ABLIM1: variants seen among roughly 807,000 people sequenced by gnomAD.
ABLIM1 encodes actin-binding LIM protein 1.
Under a neutral mutation model 107.0 loss-of-function variants are expected in ABLIM1, and 40 were observed. The observed-to-expected ratio is 0.37, with a 90% CI of 0.29 to 0.49. ABLIM1 has a LOEUF of 0.49. Ranked by LOEUF, ABLIM1 falls within the 20% of genes least tolerant of loss-of-function variation. The pLI, the probability that ABLIM1 is intolerant of heterozygous loss-of-function variation, is 0.97. For missense variants in ABLIM1, 857 were observed against 1,008.5 expected, an observed-to-expected ratio of 0.85 and a Z score of 2.04; for synonymous variants, 357 against 357.3, an observed-to-expected ratio of 1.00 and a Z score of 0.01.
At chr10:114,564,724 C>T (rs149406026) in intron 4 of ABLIM1, among the ~76,000 whole-genome samples, 1 of 152,288 alleles carries the variant, frequency 6.6e-6, no homozygotes, top group East Asian at 1.9e-4. Context: ...CTTGCCCAAC[C>T]CTACATGACT....
chr10:114,473,799 G>T (rs576748007), intron 9 of ABLIM1, 80 bp downstream of exon 9: 18 of 1,107,870 alleles, frequency 1.6e-5, no homozygotes, highest in Non-Finnish European at 2.4e-5. Flanking sequence ...ATCAGTTTTT[G>T]TTTTGGATTA....
intron 6 of ABLIM1, among the ~76,000 whole-genome samples, chr10:114,536,965 C>A (rs1358610085): frequency 1.3e-5 from 2 of 152,190 alleles, no homozygotes; most frequent in African/African-American, 4.8e-5. Context: ...TGAGCAAAGT[C>A]ACTGATTTTC....
intron 1 of ABLIM1, among the ~76,000 whole-genome samples, chr10:114,678,588 A>G (rs1165167536): frequency 6.6e-6 from 1 of 152,216 alleles, no homozygotes; most frequent in East Asian, 1.9e-4. Flanking sequence ...TTGTGCTACA[A>G]TCTCAGACTT....
chr10:114,779,203 C>A, the ABLIM1 span: 1 of 152,216 alleles, frequency 6.6e-6, no homozygotes. Flanking sequence ...ATAGCCCTCA[C>A]TAGGTCCCAA....
At chr10:114,505,329 T>C (rs1354723586) in intron 6 of ABLIM1, among the ~76,000 whole-genome samples, 2 of 152,250 alleles carry the variant, frequency 1.3e-5, no homozygotes, top group Admixed American at 1.3e-4. Flanking sequence ...TGGATAATTT[T>C]TGTCTCTTGT....
At chr10:114,527,539 C>G (rs368306261) in intron 6 of ABLIM1, among the ~76,000 whole-genome samples, 22 of 152,272 alleles carry the variant, frequency 1.4e-4, no homozygotes, top group African/African-American at 4.8e-4. Flanking sequence ...TGAGGGGAAG[C>G]TGCAGGCTCT....
chr10:114,468,785 C>T lies in ABLIM1; in HGVS notation c.1276-569G>A, dbSNP rs188922925. 7.0e-3 allele frequency among the ~76,000 whole-genome samples: 1,058 copies of T among 151,936 alleles called. 5 individuals carry two copies. Among genetic ancestry groups the T allele is most frequent in the Non-Finnish European group, 0.01 (682 of 67,954 alleles). On this transcript the variant is annotated intron_variant, in intron 10 of 22. Transcript: ENST00000533213. ...ACCATGAATAGGCCGGGTGCGGTGG[C>T]TCACGTCTGTAATCCCAGCACTTTG...
chr10:114,796,237 G>A, the ABLIM1 span, among the ~76,000 whole-genome samples: 88,858 of 152,016 alleles, frequency 0.58, 26,280 homozygotes, highest in Non-Finnish European at 0.64. Flanking sequence ...TGTGGGTTGG[G>A]AATTCAGGAG....
chr10:114,714,411 A>G (rs2081616190), intron 1 of ABLIM1, among the ~76,000 whole-genome samples: 1 of 152,192 alleles, frequency 6.6e-6, no homozygotes, highest in South Asian at 2.1e-4. Context: ...ACAGCCATTT[A>G]AAAAGAGGCT....
chr10:114,773,697 G>A, the ABLIM1 span, among the ~76,000 whole-genome samples: 2 of 152,062 alleles, frequency 1.3e-5, no homozygotes, highest in Non-Finnish European at 2.9e-5. Flanking sequence ...ACTCCAGCCT[G>A]GGCTACAGAG....
intron 1 of ABLIM1, among the ~76,000 whole-genome samples, chr10:114,739,376 G>A (rs918323195): frequency 2.0e-5 from 3 of 152,212 alleles, no homozygotes; most frequent in African/African-American, 4.8e-5. Context: ...GTCCAGGGTT[G>A]ATAGAACAAG....
chr10:114,471,149 C>T (rs1431387464), intron 10 of ABLIM1, among the ~76,000 whole-genome samples: 1 of 152,204 alleles, frequency 6.6e-6, no homozygotes, highest in Non-Finnish European at 1.5e-5. Context: ...TTGGCCTTGG[C>T]CTCCTAAAGT....
At chr10:114,471,147 G>A (rs73352072) in intron 10 of ABLIM1, among the ~76,000 whole-genome samples, 2,321 of 152,178 alleles carry the variant, frequency 0.015, 54 homozygotes, top group African/African-American at 0.053. Flanking sequence ...CCTTGGCCTT[G>A]GCCTCCTAAA....
intron 2 of ABLIM1, among the ~76,000 whole-genome samples, chr10:114,582,017 G>A (rs1056099466): frequency 6.6e-6 from 1 of 152,040 alleles, no homozygotes; most frequent in Non-Finnish European, 1.5e-5. Flanking sequence ...CCTAGCCAGA[G>A]CAATTAGGCA....
chr10:114,659,172 C>T (rs565884536), upstream of ABLIM1, among the ~76,000 whole-genome samples: 13 of 152,144 alleles, frequency 8.5e-5, no homozygotes, highest in South Asian at 2.1e-4. Flanking sequence ...CTGACAAGGC[C>T]ATCAAAGGTA....
chr10:114,755,934 C>T (rs1286292065), intron 1 of ABLIM1, among the ~76,000 whole-genome samples: 3 of 152,058 alleles, frequency 2.0e-5, no homozygotes, highest in Non-Finnish European at 2.9e-5. Context: ...TTTAGAAGGT[C>T]GAGACACTCT....
chr10:114,659,549 A>AAT (rs1209422164), upstream of ABLIM1, among the ~76,000 whole-genome samples: 1 of 152,024 alleles, frequency 6.6e-6, no homozygotes. Flanking sequence ...AAAAATACAA[A>AAT]ATATATATAT....
At chr10:114,639,098 G>A (rs1186122361) in intron 1 of ABLIM1, among the ~76,000 whole-genome samples, 1 of 152,160 alleles carries the variant, frequency 6.6e-6, no homozygotes, top group Non-Finnish European at 1.5e-5. Context: ...ATTATGCCCT[G>A]GAACAGTCCC....
At chr10:114,507,455 C>A (rs2061312889) in intron 6 of ABLIM1, among the ~76,000 whole-genome samples, 2 of 152,210 alleles carry the variant, frequency 1.3e-5, no homozygotes, top group Admixed American at 1.3e-4. Flanking sequence ...TGGATGACAA[C>A]CAAAGAATTT....
Sources: gnomAD v4.1 joint callset for allele counts (sites outside exome capture counted in the v4.1 genomes callset) on GRCh38, gnomAD v4.1.1 for gene constraint, MANE v1.5 for transcripts, NCBI Gene and HGNC (gene_info 2026-07-23, HGNC 2026-07-21) for gene names.